Variants in CLOCK observed in about 807,000 individuals in gnomAD.
CLOCK encodes the protein clock circadian regulator.
In CLOCK, 43 loss-of-function variants were observed where a neutral mutation model predicts 118.4. The observed-to-expected ratio is 0.36, with a 90% CI of 0.28 to 0.47. CLOCK has a LOEUF of 0.47. Among genes scored for constraint, CLOCK ranks in the 20% least tolerant of loss-of-function variants. The pLI is 1.00. For synonymous variants in CLOCK, 326 were observed against 339.2 expected (o/e 0.96, Z 0.43); for missense variants, 846 against 999.9 (o/e 0.85, Z 2.08).
intron 9 of CLOCK, among the ~76,000 whole-genome samples, chr4:55,462,756 G>A (rs1411881819): frequency 2.0e-5 from 3 of 152,086 alleles, no homozygotes; most frequent in Non-Finnish European, 4.4e-5. Context: ...TTTAAAACAA[G>A]GCTTGAAATG....
chr4:55,435,136 A>G lies in CLOCK; in HGVS notation c.*279T>C. The G allele has an allele frequency of 2.3e-6, 1 of 431,448 alleles. No homozygotes were observed. The highest frequency in any genetic ancestry group is 4.3e-6 in the Non-Finnish European group (1 of 229,936). 26.7% of individuals were successfully genotyped at this position (431,448 alleles called of 1,614,324 possible). A position where few individuals can be genotyped will look rare whatever the true frequency, so the allele number is the denominator to read the frequency against. Reference sequence around the variant, plus strand: ...TCATTTCATAGCTGAGCTTCTTAATATTTGGCAATATATTCTTTTTCCATC... The same window carrying G: ...TCATTTCATAGCTGAGCTTCTTAATGTTTGGCAATATATTCTTTTTCCATC... On this transcript the variant is annotated 3_prime_UTR_variant, in exon 23 of 23. Transcript: ENST00000513440.
chr4:55,467,168 TAATC>T (rs1231528833), intron 8 of CLOCK, among the ~76,000 whole-genome samples: 2 of 152,222 alleles, frequency 1.3e-5, no homozygotes, highest in African/African-American at 4.8e-5. Flanking sequence ...AGGGAAGTGT[TAATC>T]AAACACTTCA....
At chr4:55,542,115 C>T (rs148126151) in intron 1 of CLOCK, among the ~76,000 whole-genome samples, 3 of 151,712 alleles carry the variant, frequency 2.0e-5, no homozygotes, top group Admixed American at 6.6e-5. Context: ...CCGAGGTGGG[C>T]GGATCACCTG....
At chr4:55,502,262 C>T (rs560690402) in intron 2 of CLOCK, among the ~76,000 whole-genome samples, 12 of 152,168 alleles carry the variant, frequency 7.9e-5, no homozygotes, top group Admixed American at 2.0e-4. Flanking sequence ...CAAAGGATCA[C>T]GAAAGCCAAG....
At chr4:55,449,130 C>G (rs1724204315) in intron 17 of CLOCK, among the ~76,000 whole-genome samples, 1 of 150,952 alleles carries the variant, frequency 6.6e-6, no homozygotes, top group South Asian at 2.1e-4. Flanking sequence ...GGTATTTGAA[C>G]TTAGACATAA....
chr4:55,507,369 T>C (rs1015456908), intron 2 of CLOCK, among the ~76,000 whole-genome samples: 4 of 151,858 alleles, frequency 2.6e-5, no homozygotes, highest in African/African-American at 9.7e-5. Context: ...TCCCAACACT[T>C]TGGAAGGCTG....
At chr4:55,463,370 T>C (rs1261090554) in intron 9 of CLOCK, among the ~76,000 whole-genome samples, 1 of 152,044 alleles carries the variant, frequency 6.6e-6, no homozygotes, top group African/African-American at 2.4e-5. Context: ...TTAAATACAG[T>C]AAAGTTTTAT....
chr4:55,479,542 A>AG, intron 5 of CLOCK, 98 bp downstream of exon 5: 1 of 1,005,144 alleles, frequency 9.9e-7, no homozygotes, highest in Non-Finnish European at 1.5e-6. Context: ...AAACTCCTAA[A>AG]GCACATAGCT....
chr4:55,474,487 G>A (rs562453232), intron 7 of CLOCK, among the ~76,000 whole-genome samples: 2 of 152,278 alleles, frequency 1.3e-5, no homozygotes, highest in East Asian at 3.9e-4. Context: ...GATGAAGGTC[G>A]CTACACTAGA....
chr4:55,538,040 C>G (rs560442107), intron 1 of CLOCK, among the ~76,000 whole-genome samples: 1 of 152,090 alleles, frequency 6.6e-6, no homozygotes, highest in Admixed American at 6.5e-5. Flanking sequence ...AAACTTCTAG[C>G]CAGACTAATC....
intron 2 of CLOCK, among the ~76,000 whole-genome samples, chr4:55,501,433 T>TC (rs1560461344): frequency 2.0e-5 from 3 of 152,136 alleles, no homozygotes; most frequent in Non-Finnish European, 2.9e-5. Flanking sequence ...TCTTTTTTTT[T>TC]AAGAGACAGG....
At position 55,536,652 on chromosome 4, in the gene CLOCK, A is replaced by C. The variant is rs191446454; in HGVS notation, c.-290+10130T>G. ...TTCCTATACACTTTGGAGAACCGTA[A>C]GCCAATTAAGCTTCTTTTCTTTATA... is the stretch of plus-strand genomic sequence containing the variant. On this transcript the variant is annotated intron_variant, in intron 1 of 22. Coordinates refer to ENST00000513440, the MANE Select transcript of CLOCK (RefSeq NM_004898.4). Among the ~76,000 whole-genome samples the C allele has an allele frequency of 3.4e-3, 515 of 152,276 alleles. 4 individuals carry two copies. The highest frequency in any genetic ancestry group is 4.1e-3 in the Non-Finnish European group (277 of 68,016).
chr4:55,437,811 C>T (rs888430355), intron 22 of CLOCK, among the ~76,000 whole-genome samples: 1 of 152,134 alleles, frequency 6.6e-6, no homozygotes, highest in African/African-American at 2.4e-5. Flanking sequence ...ATATACTACA[C>T]CTCCATGGTA....
At chr4:55,469,256 C>T (rs1429108272) in intron 8 of CLOCK, among the ~76,000 whole-genome samples, 4 of 151,882 alleles carry the variant, frequency 2.6e-5, no homozygotes, top group South Asian at 2.1e-4. Flanking sequence ...CCACCACGCC[C>T]GGCTAATTTT....
At chr4:55,450,027 A>G (rs1304156352) in intron 16 of CLOCK, 64 bp downstream of exon 16, 11 of 1,556,078 alleles carry the variant, frequency 7.1e-6, no homozygotes, top group East Asian at 2.2e-5. Flanking sequence ...AAATGCTGAT[A>G]TAAGTAACTA....
At chr4:55,470,309 T>C (rs1040025671) in intron 8 of CLOCK, among the ~76,000 whole-genome samples, 3 of 152,160 alleles carry the variant, frequency 2.0e-5, no homozygotes, top group African/African-American at 7.2e-5. Flanking sequence ...TTTAAACATA[T>C]AAATACTGTG....
chr4:55,541,586 G>T (rs1408798846), intron 1 of CLOCK, among the ~76,000 whole-genome samples: 1 of 152,118 alleles, frequency 6.6e-6, no homozygotes, highest in Non-Finnish European at 1.5e-5. Context: ...TGGAAGAGGT[G>T]ACATAATATA....
chr4:55,515,501 A>G (rs987615345), intron 1 of CLOCK, among the ~76,000 whole-genome samples: 1 of 152,034 alleles, frequency 6.6e-6, no homozygotes, highest in Non-Finnish European at 1.5e-5. Flanking sequence ...CAGCCTCCCA[A>G]TTAGCTGGGA....
chr4:55,494,097 A>G (rs528492884), intron 2 of CLOCK, among the ~76,000 whole-genome samples: 1 of 152,290 alleles, frequency 6.6e-6, no homozygotes, highest in African/African-American at 2.4e-5. Flanking sequence ...CTTTTCAGAG[A>G]TAAGACTAAG....
Sources: allele counts gnomAD v4.1 joint callset (sites outside exome capture counted in the v4.1 genomes callset), GRCh38; gene constraint gnomAD v4.1.1; transcripts MANE v1.5; gene names NCBI Gene and HGNC (gene_info 2026-07-23, HGNC 2026-07-21).